The following VAX2 variants were observed in gnomAD, a reference collection of about 807,000 sequenced individuals.
VAX2 encodes the protein ventral anterior homeobox 2.
VAX2 carries 8 observed loss-of-function variants against 12.5 expected under a neutral mutation model. The ratio of observed to expected loss-of-function variants is 0.64; its 90% CI spans 0.37 to 1.15. The LOEUF (loss-of-function observed/expected upper bound fraction) is 1.15, where lower values mean the gene tolerates loss of function less well. VAX2 is among the 50% of genes most tolerant of loss of function. VAX2 has a pLI of 0.01. For missense variants in VAX2, 476 were observed against 412.9 expected (o/e 1.15, Z -1.32); for synonymous variants, 183 against 187.6 (o/e 0.98, Z 0.20).
At chr2:70,910,783 TA>T (rs541915168) in intron 1 of VAX2, among the ~76,000 whole-genome samples, 2 of 123,848 alleles carry the variant, frequency 1.6e-5, no homozygotes, top group African/African-American at 3.2e-5. Context: ...GTCACTTTCT[TA>T]AAAAAAAAAA....
intron 1 of VAX2, among the ~76,000 whole-genome samples, chr2:70,915,702 T>C (rs1553411863): frequency 6.6e-6 from 1 of 152,232 alleles, no homozygotes; most frequent in Non-Finnish European, 1.5e-5. Flanking sequence ...TTTAACTTAA[T>C]TTTATTCCAA....
chr2:70,921,589 G>T (rs562347342), intron 2 of VAX2, among the ~76,000 whole-genome samples: 1 of 152,074 alleles, frequency 6.6e-6, no homozygotes, highest in Non-Finnish European at 1.5e-5. Flanking sequence ...GAGTGGCTTG[G>T]GGGGGTGTTG....
intron 2 of VAX2, among the ~76,000 whole-genome samples, chr2:70,928,784 G>A (rs1379677942): frequency 1.3e-5 from 2 of 152,208 alleles, no homozygotes; most frequent in Non-Finnish European, 2.9e-5. Flanking sequence ...TCTCCCTCTA[G>A]TTCAGAAACA....
chr2:70,917,643 ATG>A (rs2104772197), intron 1 of VAX2, among the ~76,000 whole-genome samples: 1 of 152,216 alleles, frequency 6.6e-6, no homozygotes, highest in East Asian at 1.9e-4. Flanking sequence ...TTTGTATGGC[ATG>A]TTTTAATATT....
intron 2 of VAX2, 42 bp from the exon 3 acceptor site, chr2:70,932,725 C>T (rs1416340157): frequency 7.8e-7 from 1 of 1,287,416 alleles, no homozygotes; most frequent in Non-Finnish European, 1.0e-6. Flanking sequence ...TTTGCTTTGC[C>T]TGTCCCATCT....
At chr2:70,902,218 G>A (rs1488781267) in intron 1 of VAX2, among the ~76,000 whole-genome samples, 1 of 152,206 alleles carries the variant, frequency 6.6e-6, no homozygotes, top group Non-Finnish European at 1.5e-5. Flanking sequence ...GCAGCCCAGT[G>A]TGAGGGTGAC....
intron 1 of VAX2, among the ~76,000 whole-genome samples, chr2:70,916,142 A>G (rs979469779): frequency 2.6e-5 from 4 of 152,180 alleles, no homozygotes; most frequent in East Asian, 1.9e-4. Flanking sequence ...GGATTTGTCA[A>G]TTTCTGTGAC....
At chr2:70,905,742 G>T (rs887916117) in intron 1 of VAX2, among the ~76,000 whole-genome samples, 1 of 152,206 alleles carries the variant, frequency 6.6e-6, no homozygotes, top group Non-Finnish European at 1.5e-5. Context: ...GGGCAAGGAG[G>T]CCAAATCCTT....
chr2:70,929,007 A>ATCTT (rs1679632015), intron 2 of VAX2, among the ~76,000 whole-genome samples: 2 of 152,200 alleles, frequency 1.3e-5, no homozygotes, highest in African/African-American at 4.8e-5. Context: ...GGCTTGGCTA[A>ATCTT]GAGGTCAGGA....
At chr2:70,930,433 C>T (rs1377481121) in intron 2 of VAX2, among the ~76,000 whole-genome samples, 1 of 152,194 alleles carries the variant, frequency 6.6e-6, no homozygotes, top group African/African-American at 2.4e-5. Flanking sequence ...CACTCTTTAC[C>T]TCCTCCCAGT....
chr2:70,925,485 C>A (rs1553413416), intron 2 of VAX2, among the ~76,000 whole-genome samples: 1 of 152,110 alleles, frequency 6.6e-6, no homozygotes, highest in Non-Finnish European at 1.5e-5. Context: ...GGGGGAGAAG[C>A]AAGATGGTGG....
chr2:70,903,523 C>A (rs1324918595), intron 1 of VAX2, among the ~76,000 whole-genome samples: 4 of 152,196 alleles, frequency 2.6e-5, no homozygotes, highest in Non-Finnish European at 4.4e-5. Flanking sequence ...AGATTACTGA[C>A]CTTATAGCCC....
intron 1 of VAX2, among the ~76,000 whole-genome samples, chr2:70,901,253 A>G (rs1553409734): frequency 2.6e-5 from 4 of 152,202 alleles, no homozygotes; most frequent in Non-Finnish European, 5.9e-5. Context: ...CAGGACGTGG[A>G]GGGAGCAGCG....
chr2:70,919,784 C>T (rs932387124), intron 1 of VAX2, among the ~76,000 whole-genome samples: 1 of 152,098 alleles, frequency 6.6e-6, no homozygotes, highest in Non-Finnish European at 1.5e-5. Flanking sequence ...CCCTAGAGGT[C>T]GAGACTGCAG....
chr2:70,919,230 CA>C (rs571460115), intron 1 of VAX2, among the ~76,000 whole-genome samples: 282 of 53,508 alleles, frequency 5.3e-3, no homozygotes, highest in African/African-American at 0.015. Flanking sequence ...TGTGTCTCCA[CA>C]AAAAAAAAAA....
intron 2 of VAX2, among the ~76,000 whole-genome samples, chr2:70,930,980 G>A (rs915102450): frequency 1.7e-4 from 26 of 152,208 alleles, no homozygotes; most frequent in African/African-American, 6.0e-4. Context: ...CATGACATGG[G>A]CCTGTAGATG....
At chr2:70,927,384 G>A (rs1243393001) in intron 2 of VAX2, among the ~76,000 whole-genome samples, 5 of 151,688 alleles carry the variant, frequency 3.3e-5, no homozygotes, top group African/African-American at 1.2e-4. Flanking sequence ...CACCTAGCTT[G>A]GGTAAGAGCT....
chr2:70,920,989 A>G, intron 1 of VAX2, 109 bp from the exon 2 acceptor site: 1 of 1,304,840 alleles, frequency 7.7e-7, no homozygotes, highest in South Asian at 1.7e-5. Flanking sequence ...AACCAGATCC[A>G]GGCCTGAGGA....
intron 2 of VAX2, among the ~76,000 whole-genome samples, chr2:70,931,989 A>T (rs1160239463): frequency 6.6e-6 from 1 of 152,140 alleles, no homozygotes; most frequent in Admixed American, 6.5e-5. Flanking sequence ...AAAACTACTA[A>T]AGTCTGGGTC....
Sources: gnomAD v4.1 joint callset for allele counts (sites outside exome capture counted in the v4.1 genomes callset) on GRCh38, gnomAD v4.1.1 for gene constraint, MANE v1.5 for transcripts, NCBI Gene and HGNC (gene_info 2026-07-23, HGNC 2026-07-21) for gene names.